CACNA1H: variants seen among roughly 807,000 people sequenced by gnomAD.
The protein encoded by CACNA1H is calcium voltage-gated channel subunit alpha1 H, also known as voltage-dependent T-type calcium channel subunit alpha-1H.
A neutral mutation model predicts 192.5 loss-of-function variants in CACNA1H; 149 were observed. The observed-to-expected ratio is 0.77, with a 90% CI of 0.68 to 0.89. The LOEUF (loss-of-function observed/expected upper bound fraction) is 0.89, where lower values mean the gene tolerates loss of function less well. Among genes scored for constraint, CACNA1H ranks in the 40% least tolerant of loss-of-function variants. The pLI, the probability that CACNA1H is intolerant of heterozygous loss-of-function variation, is 0.00. For synonymous variants in CACNA1H, 2,202 were observed against 1,475.2 expected (o/e 1.49, Z -11.29); for missense variants, 4,257 against 3,423.5 (o/e 1.24, Z -6.08).
Position 1,204,407 on chromosome 16 carries a change from G to A in CACNA1H, c.2400G>A (p.Met800Ile). ...GCAAGTACTTCAGCCGTGGCATCAT[G>A]ATGGCCATCCTTGTCAACACGCTGA... ...VDSKYFSRGI[M>I]MAILVNTLSM... Residue 800 changes from methionine (M) to isoleucine (I), a missense_variant, in exon 10 of 35, where the codon ATG (methionine) becomes ATA (isoleucine). Physicochemically the swap from Met to Ile is conservative, Grantham distance 10. Coordinates refer to ENST00000348261, the MANE Select transcript of CACNA1H (RefSeq NM_021098.3). The A allele has an allele frequency of 1.3e-6, 2 of 1,554,736 alleles. No homozygotes were observed. Among genetic ancestry groups the A allele is most frequent in the Admixed American group, 1.9e-5 (1 of 53,290 alleles).
chr16:1,166,242 G>C (rs1351035839), intron 2 of CACNA1H, among the ~76,000 whole-genome samples: 2 of 152,332 alleles, frequency 1.3e-5, no homozygotes, highest in East Asian at 3.9e-4. Flanking sequence ...TTTGCGTCCG[G>C]AGTGGGGTCT....
In CACNA1H at chr16:1,167,791, G is replaced by A. The variant is rs1386818850; in HGVS notation, c.299+13755G>A. Among the ~76,000 whole-genome samples the A allele has an allele frequency of 2.0e-5, 3 of 152,334 alleles. No individual in the cohort carries two copies. The highest frequency in any genetic ancestry group is 3.4e-3 in the Middle Eastern group (1 of 294). ...AGACACGGGAAACGGGACACCTGGA[G>A]CTGTGGCGCTGGTGTGTGCTTAGAA... On this transcript the variant is annotated intron_variant, in intron 2 of 34. Transcript: ENST00000348261. This position sits in a 1 kb window ranked among gnomAD's most constrained non-coding sequence, Gnocchi z 4.2.
chr16:1,170,376 G>A (rs555827400), intron 2 of CACNA1H, among the ~76,000 whole-genome samples: 1 of 152,222 alleles, frequency 6.6e-6, no homozygotes, highest in Non-Finnish European at 1.5e-5. Context: ...CAGGGCCCGA[G>A]GAATCCGGGG....
intron 2 of CACNA1H, among the ~76,000 whole-genome samples, chr16:1,189,178 C>G (rs559392268): frequency 6.6e-6 from 1 of 151,654 alleles, no homozygotes; most frequent in African/African-American, 2.4e-5. Context: ...AAGCTGTTCT[C>G]CTCCCGGAGA....
chr16:1,156,338 G>T (rs1962380776), intron 2 of CACNA1H, among the ~76,000 whole-genome samples: 1 of 152,368 alleles, frequency 6.6e-6, no homozygotes, highest in South Asian at 2.1e-4. Context: ...GCTGCATGGG[G>T]GTGGGTGTGA....
intron 2 of CACNA1H, among the ~76,000 whole-genome samples, chr16:1,190,495 C>T (rs992125793): frequency 1.3e-5 from 2 of 152,122 alleles, no homozygotes; most frequent in Non-Finnish European, 2.9e-5. Context: ...TGACTGCTCC[C>T]CTCTCTAGGC....
At chr16:1,183,471 A>G (rs1482615228) in intron 2 of CACNA1H, among the ~76,000 whole-genome samples, 3 of 152,120 alleles carry the variant, frequency 2.0e-5, no homozygotes. Flanking sequence ...CCTCCGGGGA[A>G]GGAAGAGAAA....
At chr16:1,216,761 A>C (rs1327195816) in intron 30 of CACNA1H, among the ~76,000 whole-genome samples, 171 bp from the exon 31 acceptor site, 1 of 151,564 alleles carries the variant, frequency 6.6e-6, no homozygotes, top group East Asian at 2.0e-4. Flanking sequence ...GGGCTGAGGA[A>C]CAGGGGTCCC....
rs755109518 is a variant in CACNA1H at position 1,207,744 on chromosome 16, C to G, written c.3064-26C>G. The G allele has an allele frequency of 2.4e-5, 37 of 1,569,520 alleles. No homozygotes were observed. The African/African-American group carries it at 3.3e-4, about 14-fold the overall frequency. On this transcript the variant is annotated intron_variant, in intron 14 of 34. Transcript: ENST00000348261. ...GTCCCCACTCACGGGGCCCCTCATGCCTGCCTTGTGCTTTGTTGGGTTTAG... is the reference window on the plus strand; with the variant it reads ...GTCCCCACTCACGGGGCCCCTCATGGCTGCCTTGTGCTTTGTTGGGTTTAG...
chr16:1,213,637 C>T, intron 26 of CACNA1H, 143 bp from the exon 27 acceptor site: 1 of 553,062 alleles, frequency 1.8e-6, no homozygotes, highest in East Asian at 3.0e-5. Flanking sequence ...TGCCATGAGG[C>T]AGGGCCAGCC....
chr16:1,206,643 G>A (rs111586211), intron 12 of CACNA1H: 21,317 of 419,236 alleles, frequency 0.051, 733 homozygotes, highest in Non-Finnish European at 0.064. Flanking sequence ...CTCAGGGTCA[G>A]GGTCGGCTGG....
In CACNA1H at chr16:1,201,583, C is replaced by G. The variant is rs957728778; in HGVS notation, c.1213-80C>G. 6 of 1,455,542 alleles carry G rather than the reference C, an allele frequency of 4.1e-6. No homozygotes were observed. In the Admixed American group the frequency reaches 6.8e-5, roughly 17 times the overall value. 90.2% of individuals were successfully genotyped at this position (1,455,542 alleles called of 1,614,324 possible). ...GCCTGTGACGCGGCCCCCACTCGAA[C>G]AGGCAGCGCACAGTAGGGCTCAGTG... On this transcript the variant is annotated intron_variant, in intron 8 of 34. Transcript: ENST00000348261.
chr16:1,208,128 C>G lies in CACNA1H; in HGVS notation c.3270C>G (p.Ser1090Arg). The G allele has an allele frequency of 4.4e-6, 7 of 1,591,802 alleles. No individual in the cohort carries two copies. In the South Asian group the frequency reaches 8.0e-5, roughly 18 times the overall value. The part of the protein sequence containing the change: ...TAATPMPTPK[S>R]SPFLDAAPSL... ...CCACGCCCATGCCTACCCCCAAGAG[C>G]TCACCATTCCTGGATGCAGCCCCCA... is the stretch of plus-strand genomic sequence containing the variant. The change falls in exon 16 of 35, where the codon AGC becomes AGG. Residue 1090 changes from serine to arginine, a missense_variant. Ser to Arg is a moderately radical substitution (Grantham distance 110). Coordinates refer to ENST00000348261, the MANE Select transcript of CACNA1H (RefSeq NM_021098.3).
At chr16:1,206,623 T>C (rs1968744916) in intron 12 of CACNA1H, 1 of 425,936 alleles carries the variant, frequency 2.3e-6, no homozygotes, top group Non-Finnish European at 4.3e-6. Context: ...TGTGCCCGTC[T>C]AGCCTGGAGC....
At chr16:1,189,661 G>T (rs1006090131) in intron 2 of CACNA1H, among the ~76,000 whole-genome samples, 3 of 152,030 alleles carry the variant, frequency 2.0e-5, no homozygotes, top group African/African-American at 7.2e-5. Context: ...GGTTCCAAAT[G>T]ATCCTCCTGC....
At chr16:1,185,366 G>T (rs1261815401) in intron 2 of CACNA1H, among the ~76,000 whole-genome samples, 1 of 152,098 alleles carries the variant, frequency 6.6e-6, no homozygotes, top group Non-Finnish European at 1.5e-5. Flanking sequence ...GTGTAGGCAG[G>T]ATTGGCGTTC....
At chr16:1,211,020 C>G in intron 21 of CACNA1H, 49 bp downstream of exon 21, 1 of 1,570,452 alleles carries the variant, frequency 6.4e-7, no homozygotes, top group Non-Finnish European at 8.6e-7. Flanking sequence ...GCACAGTCCC[C>G]TGACGCCACT....
chr16:1,174,668 G>C (rs886797748), intron 2 of CACNA1H, among the ~76,000 whole-genome samples: 1 of 152,196 alleles, frequency 6.6e-6, no homozygotes, highest in African/African-American at 2.4e-5. Context: ...AGCTGGGAGA[G>C]GAGAGGCGCC....
intron 2 of CACNA1H, among the ~76,000 whole-genome samples, chr16:1,156,798 G>C (rs1465607759): frequency 1.3e-5 from 2 of 152,100 alleles, no homozygotes; most frequent in African/African-American, 2.4e-5. Flanking sequence ...GAACCTGGGG[G>C]AGGGCCCGCG....
Sources: gnomAD v4.1 joint callset for allele counts (sites outside exome capture counted in the v4.1 genomes callset) on GRCh38, gnomAD v4.1.1 for gene constraint, Gnocchi (gnomAD v3.1) non-coding constraint, MANE v1.5 for transcripts, NCBI Gene and HGNC (gene_info 2026-07-23, HGNC 2026-07-21) for gene names.